C5: variants seen among roughly 807,000 people sequenced by gnomAD.
C5 encodes the protein complement C5.
C5 carries 140 observed loss-of-function variants against 218.8 expected under a neutral mutation model. That is an observed-to-expected ratio of 0.64 (90% CI 0.56 to 0.74). The LOEUF (loss-of-function observed/expected upper bound fraction) is 0.74. Among genes scored for constraint, C5 ranks in the 30% least tolerant of loss-of-function variants. C5 has a pLI of 0.00. For missense variants in C5, 1,700 were observed against 1,969.6 expected, an observed-to-expected ratio of 0.86 and a Z score of 2.59; for synonymous variants, 614 against 682.3, an observed-to-expected ratio of 0.90 and a Z score of 1.56.
rs542114357 is a variant in C5, at chr9:120,970,199, T to C, written c.4133A>G (p.Tyr1378Cys). The change falls in exon 32 of 41, where the codon TAT becomes TGT. Residue 1378 changes from tyrosine to cysteine, a missense_variant. Physicochemically the swap from Tyr to Cys is radical, Grantham distance 194 (BLOSUM62 -2). Coordinates refer to ENST00000223642, the MANE Select transcript of C5 (RefSeq NM_001735.3). ...TSTSEEVCSF[Y>C]LKIDTQDIEA... ...AATATCCTGAGTATCGATTTTCAAA[T>C]AAAAGCTGCAAACTTCCTCAGAGGT... is the stretch of plus-strand genomic sequence containing the variant. The C allele has an allele frequency of 2.5e-6, 4 of 1,613,514 alleles. No homozygotes were observed. Among genetic ancestry groups the C allele is most frequent in the Non-Finnish European group, 3.4e-6 (4 of 1,179,606 alleles).
chr9:120,968,080 C>T (rs1379913549), intron 33 of C5, among the ~76,000 whole-genome samples: 2 of 152,082 alleles, frequency 1.3e-5, no homozygotes, highest in Non-Finnish European at 2.9e-5. Flanking sequence ...AGAATAATGG[C>T]CCCCAAGGGT....
intron 38 of C5, among the ~76,000 whole-genome samples, chr9:120,957,626 A>AAAAC (rs755343186): frequency 6.6e-6 from 1 of 152,254 alleles, no homozygotes; most frequent in Non-Finnish European, 1.5e-5. Flanking sequence ...AGAAGCACAT[A>AAAAC]AAACAAACAA....
chr9:120,982,645 G>T lies in C5; in HGVS notation c.3390+10C>A. 1 of 1,591,452 alleles carries T rather than the reference G, an allele frequency of 6.3e-7. No homozygotes were observed. Among genetic ancestry groups the T allele is most frequent in the Middle Eastern group, 1.7e-4 (1 of 6,014 alleles). On this transcript the variant is annotated intron_variant, in intron 26 of 40. Coordinates refer to ENST00000223642, the MANE Select transcript of C5 (RefSeq NM_001735.3). ...AAACTATTGCTAATTTGTGCATTTG[G>T]TTTCCTTACCTGTAATTTTATTGGT...
chr9:121,037,456 G>A (rs1289643078), intron 4 of C5, among the ~76,000 whole-genome samples: 1 of 146,556 alleles, frequency 6.8e-6, no homozygotes, highest in Admixed American at 6.8e-5. Context: ...TGGGACTACA[G>A]GCGCCTGCCA....
intron 39 of C5, chr9:120,956,938 G>A: frequency 3.0e-6 from 1 of 330,246 alleles, no homozygotes; most frequent in Non-Finnish European, 5.9e-6. Flanking sequence ...TTACCTGGGT[G>A]ACAAAATGAT....
intron 39 of C5, 39 bp downstream of exon 39, chr9:120,957,246 T>A (rs1326690099): frequency 1.0e-5 from 14 of 1,335,148 alleles, no homozygotes; most frequent in Non-Finnish European, 1.4e-5. Flanking sequence ...TACTAAATAG[T>A]TGCTGAATGA....
chr9:120,961,414 A>T, intron 37 of C5, 68 bp downstream of exon 37: 2 of 982,160 alleles, frequency 2.0e-6, no homozygotes, highest in Admixed American at 3.5e-5. Context: ...TGTCCCCCAG[A>T]TTAACCTCAG....
the C5 span, among the ~76,000 whole-genome samples, chr9:121,069,381 G>GA: frequency 6.6e-6 from 1 of 151,992 alleles, no homozygotes; most frequent in Non-Finnish European, 1.5e-5. Context: ...ACAAATATAT[G>GA]AAAAAATGCT....
At chr9:120,990,140 G>A (rs553762297) in intron 23 of C5, among the ~76,000 whole-genome samples, 1 of 152,304 alleles carries the variant, frequency 6.6e-6, no homozygotes, top group East Asian at 1.9e-4. Flanking sequence ...TGAACAGGGA[G>A]TGCTGACATG....
Position 120,953,864 on chromosome 9 carries a change from T to C in C5, c.4767A>G (p.Glu1589=). The C allele has an allele frequency of 6.2e-7, 1 of 1,614,056 alleles. No individual in the cohort carries two copies. Among genetic ancestry groups the C allele is most frequent in the South Asian group, 1.1e-5 (1 of 91,076 alleles). Residue 1589 remains glutamate, a synonymous_variant, in exon 40 of 41, where the codon GAA becomes GAG. Transcript: ENST00000223642. ...ATLLDIYKTG[E]AVAEKDSEIT... is the part of the protein sequence containing the mutation. ...TCTCAGAGTCTTTCTCAGCAACAGC[T>C]TCCCCTGAGAGACATGCAAGTCAAG...
chr9:121,070,817 A>C, the C5 span, among the ~76,000 whole-genome samples: 1 of 152,124 alleles, frequency 6.6e-6, no homozygotes, highest in African/African-American at 2.4e-5. Flanking sequence ...TTCTATACTT[A>C]CTATAGGATG....
chr9:121,060,955 A>G, the C5 span, among the ~76,000 whole-genome samples: 5 of 152,296 alleles, frequency 3.3e-5, no homozygotes, highest in African/African-American at 1.2e-4. Context: ...TGGGATGTCG[A>G]GGCAGGCAGA....
intron 3 of C5, among the ~76,000 whole-genome samples, chr9:121,042,205 A>T (rs999295569): frequency 3.9e-5 from 6 of 152,204 alleles, no homozygotes; most frequent in African/African-American, 1.4e-4. Context: ...GGGGGAATGG[A>T]AGGCTTTGCA....
At chr9:121,002,316 G>GTATATA (rs71370614) in intron 20 of C5, among the ~76,000 whole-genome samples, 85 of 87,388 alleles carry the variant, frequency 9.7e-4, no homozygotes, top group African/African-American at 3.3e-3. Context: ...ATATGTGTGT[G>GTATATA]TATATATATA....
intron 33 of C5, among the ~76,000 whole-genome samples, chr9:120,967,039 C>T (rs746067830): frequency 6.6e-6 from 1 of 151,816 alleles, no homozygotes; most frequent in Non-Finnish European, 1.5e-5. Context: ...GTGGGCAGAC[C>T]AGCTGAGGTT....
chr9:120,967,640 T>TCAG (rs1361949579), intron 33 of C5, among the ~76,000 whole-genome samples: 1 of 152,174 alleles, frequency 6.6e-6, no homozygotes, highest in Admixed American at 6.5e-5. Context: ...GTCCTGGCTC[T>TCAG]ACCACTCTCT....
intron 10 of C5, among the ~76,000 whole-genome samples, chr9:121,022,864 A>C (rs2047378319): frequency 2.0e-5 from 3 of 152,036 alleles, no homozygotes; most frequent in Admixed American, 6.6e-5. Flanking sequence ...GACAGAAAAA[A>C]AGAGATTCAG....
intron 40 of C5, 48 bp downstream of exon 40, chr9:120,953,682 C>T: frequency 6.3e-7 from 1 of 1,587,708 alleles, no homozygotes; most frequent in East Asian, 2.2e-5. Flanking sequence ...ATAAATTATA[C>T]TCAGTTTTGG....
In C5 at chr9:120,957,239, T is replaced by C. The variant is rs201901352; in HGVS notation, c.4762+46A>G. 155 of 1,270,340 alleles carry C rather than the reference T, an allele frequency of 1.2e-4. No homozygotes were observed. The African/African-American group carries it at 2.2e-3, about 18-fold the overall frequency. 78.7% of individuals were successfully genotyped at this position (1,270,340 alleles called of 1,614,324 possible). On this transcript the variant is annotated intron_variant, in intron 39 of 40. Transcript: ENST00000223642. ...ATAATGCCTGGCACATAGTCAGTAC[T>C]AAATAGTTGCTGAATGAAGGAACGA...
Sources: allele counts gnomAD v4.1 joint callset (sites outside exome capture counted in the v4.1 genomes callset), GRCh38; gene constraint gnomAD v4.1.1; transcripts MANE v1.5; gene names NCBI Gene and HGNC (gene_info 2026-07-23, HGNC 2026-07-21).